CREB5: variants seen among roughly 807,000 people sequenced by gnomAD.
CREB5 encodes cyclic AMP-responsive element-binding protein 5.
In CREB5, 19 loss-of-function variants were observed where a neutral mutation model predicts 57.1. The ratio of observed to expected loss-of-function variants is 0.33; its 90% CI spans 0.23 to 0.49. The LOEUF (loss-of-function observed/expected upper bound fraction) is 0.49, where lower values mean the gene tolerates loss of function less well. Among genes scored for constraint, CREB5 ranks in the 20% least tolerant of loss-of-function variants. CREB5 has a pLI of 0.99. For synonymous variants in CREB5, 238 were observed against 238.3 expected, an observed-to-expected ratio of 1.00 and a Z score of 0.01; for missense variants, 579 against 671.6, an observed-to-expected ratio of 0.86 and a Z score of 1.52.
chr7:28,394,794 T>G (rs921778909), intron 1 of CREB5, among the ~76,000 whole-genome samples: 2 of 152,206 alleles, frequency 1.3e-5, no homozygotes, highest in African/African-American at 4.8e-5. Context: ...CCTAAAAAGT[T>G]TGTCATGAAG....
At chr7:28,788,434 A>T (rs891869537) in intron 7 of CREB5, among the ~76,000 whole-genome samples, 1 of 152,222 alleles carries the variant, frequency 6.6e-6, no homozygotes, top group Non-Finnish European at 1.5e-5. Context: ...CAATAGCACC[A>T]TCTATTTAAT....
At chr7:28,585,027 A>T (rs1295836086) in intron 5 of CREB5, among the ~76,000 whole-genome samples, 1 of 152,196 alleles carries the variant, frequency 6.6e-6, no homozygotes, top group African/African-American at 2.4e-5. Context: ...TCTATGAAAG[A>T]TCTTAGTAGA....
At chr7:28,753,051 G>A (rs561328021) in intron 7 of CREB5, among the ~76,000 whole-genome samples, 1 of 152,106 alleles carries the variant, frequency 6.6e-6, no homozygotes, top group South Asian at 2.1e-4. Context: ...TCCACTTACT[G>A]GAAAACAGTT....
chr7:28,542,374 G>C (rs1396034116), intron 4 of CREB5, among the ~76,000 whole-genome samples: 1 of 152,116 alleles, frequency 6.6e-6, no homozygotes, highest in African/African-American at 2.4e-5. Flanking sequence ...CCCCTCTTCG[G>C]GGGGCAGGGG....
chr7:28,623,285 A>T (rs1023490967), intron 5 of CREB5, among the ~76,000 whole-genome samples: 1 of 152,254 alleles, frequency 6.6e-6, no homozygotes, highest in Non-Finnish European at 1.5e-5. Context: ...GCATGCACAC[A>T]TAGATGTACC....
chr7:28,490,359 C>T (rs1791745336), intron 2 of CREB5, among the ~76,000 whole-genome samples: 1 of 152,180 alleles, frequency 6.6e-6, no homozygotes, highest in African/African-American at 2.4e-5. Context: ...CCAGTCTCCA[C>T]TAAGGAAGGG....
intron 1 of CREB5, among the ~76,000 whole-genome samples, chr7:28,334,694 T>C (rs1785786002): frequency 6.6e-6 from 1 of 152,210 alleles, no homozygotes; most frequent in African/African-American, 2.4e-5. Context: ...CAGAAGTTTT[T>C]AAACTTGTGA....
Position 28,763,115 on chromosome 7 carries a change from G to A in CREB5, c.702+38783G>A, listed in dbSNP as rs1454621904. Reference sequence around the variant, plus strand: ...TTGTTGGTTCCAGGGCATCTTGAGGGTGATCAGATCAGAATTTCCCTTGTC... The same window carrying A: ...TTGTTGGTTCCAGGGCATCTTGAGGATGATCAGATCAGAATTTCCCTTGTC... On this transcript the variant is annotated intron_variant, in intron 7 of 10. Coordinates refer to ENST00000357727, the MANE Select transcript of CREB5 (RefSeq NM_182898.4). Among the ~76,000 whole-genome samples, 5 of 152,162 alleles carry A rather than the reference G, an allele frequency of 3.3e-5. No homozygotes were observed. The East Asian group carries it at 7.7e-4, about 24-fold the overall frequency.
chr7:28,608,482 C>A (rs985913509), intron 5 of CREB5, among the ~76,000 whole-genome samples: 1 of 152,044 alleles, frequency 6.6e-6, no homozygotes. Context: ...GTGGTCAGAG[C>A]CAGCAGAATT....
chr7:28,643,255 G>C (rs1798752711), intron 5 of CREB5, among the ~76,000 whole-genome samples: 1 of 152,048 alleles, frequency 6.6e-6, no homozygotes, highest in Non-Finnish European at 1.5e-5. Flanking sequence ...AGCCTTCCTG[G>C]GAAATTCCAA....
chr7:28,654,110 A>G (rs1799243259), intron 5 of CREB5, among the ~76,000 whole-genome samples: 1 of 152,200 alleles, frequency 6.6e-6, no homozygotes, highest in Non-Finnish European at 1.5e-5. Flanking sequence ...GATACACCAG[A>G]CCTCTAATGA....
At chr7:28,593,496 A>G (rs1796596199) in intron 5 of CREB5, among the ~76,000 whole-genome samples, 1 of 152,174 alleles carries the variant, frequency 6.6e-6, no homozygotes, top group South Asian at 2.1e-4. Flanking sequence ...TGATCTGCCC[A>G]CCTCAGCCTC....
At chr7:28,719,034 G>A (rs190303195) in intron 6 of CREB5, among the ~76,000 whole-genome samples, 155 bp downstream of exon 6, 2 of 152,234 alleles carry the variant, frequency 1.3e-5, no homozygotes, top group Non-Finnish European at 2.9e-5. Context: ...TGCTTTGAGG[G>A]CCCAGTTGCC....
chr7:28,373,002 CCTGG>C (rs1409346750), intron 1 of CREB5, among the ~76,000 whole-genome samples: 3 of 152,152 alleles, frequency 2.0e-5, no homozygotes, highest in African/African-American at 7.2e-5. Context: ...CTGGCTCCTG[CCTGG>C]CTCTGTTTTG....
At chr7:28,756,906 C>T (rs1805347358) in intron 7 of CREB5, among the ~76,000 whole-genome samples, 1 of 152,106 alleles carries the variant, frequency 6.6e-6, no homozygotes, top group Non-Finnish European at 1.5e-5. Context: ...TTGCTGGTTA[C>T]AATTTGTTGG....
At chr7:28,578,533 T>G (rs753047757) in intron 5 of CREB5, among the ~76,000 whole-genome samples, 10 of 152,254 alleles carry the variant, frequency 6.6e-5, no homozygotes, top group Non-Finnish European at 1.5e-4. Context: ...TTTTGAAGAT[T>G]GAACACGTCC....
At chr7:28,522,297 G>A (rs1459688177) in intron 4 of CREB5, among the ~76,000 whole-genome samples, 1 of 151,436 alleles carries the variant, frequency 6.6e-6, no homozygotes, top group East Asian at 1.9e-4. Flanking sequence ...TTGAAAAAAT[G>A]TCCGGTGGAA....
At chr7:28,370,243 A>G (rs1786680556) in intron 1 of CREB5, among the ~76,000 whole-genome samples, 1 of 152,170 alleles carries the variant, frequency 6.6e-6, no homozygotes, top group South Asian at 2.1e-4. Flanking sequence ...CCCTAGCCTC[A>G]GCTTCAGGTA....
chr7:28,813,669 T>A (rs1228323502), intron 9 of CREB5, among the ~76,000 whole-genome samples: 1 of 152,176 alleles, frequency 6.6e-6, no homozygotes, highest in African/African-American at 2.4e-5. Flanking sequence ...ATATAAATAA[T>A]GACATCCCCA....
Sources: gnomAD v4.1 joint callset for allele counts (sites outside exome capture counted in the v4.1 genomes callset) on GRCh38, gnomAD v4.1.1 for gene constraint, MANE v1.5 for transcripts, NCBI Gene and HGNC (gene_info 2026-07-23, HGNC 2026-07-21) for gene names.